The following RSF1 variants were observed in gnomAD, a reference collection of about 807,000 sequenced individuals.
RSF1 encodes the protein HBV pX-associated protein 8.
A neutral mutation model predicts 145.2 loss-of-function variants in RSF1; 13 were observed. The observed-to-expected ratio is 0.09, with a 90% CI of 0.06 to 0.14. The LOEUF is 0.14. Among genes scored for constraint, RSF1 ranks in the 10% least tolerant of loss-of-function variants. RSF1 has a pLI of 1.00. For synonymous variants in RSF1, 577 were observed against 592.6 expected, an observed-to-expected ratio of 0.97 and a Z score of 0.38; for missense variants, 1,517 against 1,718.2, an observed-to-expected ratio of 0.88 and a Z score of 2.07.
intron 1 of RSF1, among the ~76,000 whole-genome samples, chr11:77,787,761 T>C (rs1476993038): frequency 6.7e-6 from 1 of 150,214 alleles, no homozygotes; most frequent in East Asian, 2.0e-4. Context: ...ATCCAGCATC[T>C]AGCATAGTAA....
rs1959238947 is a variant in RSF1, at chr11:77,661,814, T to C, written c.*5103A>G. ...AATAAGTTAAATGATTCAGAAGGTTTTGAGCCATGAAGTTCCCCAATAACT... is the reference window on the plus strand; with the variant it reads ...AATAAGTTAAATGATTCAGAAGGTTCTGAGCCATGAAGTTCCCCAATAACT... On this transcript the variant is annotated 3_prime_UTR_variant, in exon 16 of 16. Transcript: ENST00000308488. The C allele has an allele frequency of 6.6e-6, 1 of 151,966 alleles. No individual in the cohort carries two copies. Among genetic ancestry groups the C allele is most frequent in the Non-Finnish European group, 1.5e-5 (1 of 67,950 alleles). The allele number at this position is 151,966 out of a possible 1,614,324, so 9.4% of individuals were successfully genotyped here. A position where few individuals can be genotyped will look rare whatever the true frequency, so the allele number is the denominator to read the frequency against.
chr11:77,781,098 A>C (rs1021186413), intron 1 of RSF1, among the ~76,000 whole-genome samples: 4 of 146,964 alleles, frequency 2.7e-5, no homozygotes, highest in African/African-American at 1.0e-4. Flanking sequence ...TGAATGTTTG[A>C]ATTGTCTTTT....
chr11:77,789,790 C>T (rs1416480937), intron 1 of RSF1, among the ~76,000 whole-genome samples: 1 of 152,222 alleles, frequency 6.6e-6, no homozygotes, highest in Non-Finnish European at 1.5e-5. Flanking sequence ...GGCCCAGCTT[C>T]ACCCCCATTC....
rs918319854 is a variant in RSF1, at chr11:77,663,589, T to C, written c.*3328A>G. Reference sequence around the variant, plus strand: ...CCCTTTATCCTCTGAATCTGTAACCTTGACCAATTGAAAAAAGGATGTCAA... The same window carrying C: ...CCCTTTATCCTCTGAATCTGTAACCCTGACCAATTGAAAAAAGGATGTCAA... On this transcript the variant is annotated 3_prime_UTR_variant, in exon 16 of 16. Transcript: ENST00000308488. 6.6e-6 allele frequency: 1 copy of C among 152,204 alleles called. No homozygotes were observed. The highest frequency in any genetic ancestry group is 2.4e-5 in the African/African-American group (1 of 41,462). 9.4% of individuals were successfully genotyped at this position (152,204 alleles called of 1,614,324 possible).
intron 13 of RSF1, among the ~76,000 whole-genome samples, chr11:77,676,314 CTCT>C (rs1959700574): frequency 6.6e-6 from 1 of 150,894 alleles, no homozygotes; most frequent in Non-Finnish European, 1.5e-5. Context: ...TACTTGTTTC[CTCT>C]TCTAATAATC....
chr11:77,736,524 C>T (rs1169304041), intron 4 of RSF1, among the ~76,000 whole-genome samples: 3 of 152,166 alleles, frequency 2.0e-5, no homozygotes, highest in Non-Finnish European at 2.9e-5. Flanking sequence ...CAACTAAGAT[C>T]TTATCTTTAT....
chr11:77,792,268 A>G lies in RSF1; in HGVS notation c.188-27579T>C, dbSNP rs1232248311. On this transcript the variant is annotated intron_variant, in intron 1 of 15. Coordinates refer to ENST00000308488, the MANE Select transcript of RSF1 (RefSeq NM_016578.4). ...CAGAAAGACCTGCCCCCATGATTCA[A>G]TTACCTCCCACCAAGTCCCTCCCAC... is the stretch of plus-strand genomic sequence containing the variant. 3.9e-5 allele frequency among the ~76,000 whole-genome samples: 6 copies of G among 152,224 alleles called. No individual in the cohort carries two copies. In the East Asian group the frequency reaches 7.7e-4, roughly 20 times the overall value.
intron 4 of RSF1, among the ~76,000 whole-genome samples, chr11:77,732,671 C>G (rs11237277): frequency 5.3e-5 from 8 of 152,118 alleles, no homozygotes; most frequent in Admixed American, 2.0e-4. Context: ...ACAGGAGTTC[C>G]CTGCACAAGC....
At chr11:77,675,014 T>C in intron 14 of RSF1, 22 bp downstream of exon 14, 1 of 1,552,084 alleles carries the variant, frequency 6.4e-7, no homozygotes, top group East Asian at 2.3e-5. Context: ...TGAGCTACCA[T>C]ATGGTTACAG....
At chr11:77,696,729 T>C (rs2135847277) in intron 7 of RSF1, among the ~76,000 whole-genome samples, 1 of 152,338 alleles carries the variant, frequency 6.6e-6, no homozygotes, top group Middle Eastern at 3.4e-3. Flanking sequence ...CTATCTCAAA[T>C]GTCCTCTTGG....
intron 1 of RSF1, among the ~76,000 whole-genome samples, chr11:77,818,646 G>T (rs1049704814): frequency 2.0e-5 from 3 of 152,174 alleles, no homozygotes; most frequent in Non-Finnish European, 4.4e-5. Flanking sequence ...GGGCTCGGTG[G>T]TGCACACCTG....
chr11:77,720,569 C>A (rs542041552), intron 5 of RSF1, among the ~76,000 whole-genome samples: 10 of 152,250 alleles, frequency 6.6e-5, no homozygotes, highest in African/African-American at 2.4e-4. Context: ...CTGAGAATAA[C>A]AACTCAAAAA....
chr11:77,750,042 G>A (rs1324943217), intron 2 of RSF1, among the ~76,000 whole-genome samples: 11 of 151,688 alleles, frequency 7.3e-5, no homozygotes, highest in Non-Finnish European at 1.0e-4. Context: ...CCACATGCCC[G>A]GCCCATTTTG....
At chr11:77,726,761 C>T (rs181991487) in intron 4 of RSF1, among the ~76,000 whole-genome samples, 4 of 152,216 alleles carry the variant, frequency 2.6e-5, no homozygotes, top group Admixed American at 6.5e-5. Context: ...TGAAATGACT[C>T]GTTTTCTTAT....
chr11:77,761,721 A>C (rs1449333992), intron 2 of RSF1, among the ~76,000 whole-genome samples: 38 of 152,096 alleles, frequency 2.5e-4, no homozygotes. Flanking sequence ...AAATTTCTTT[A>C]TGACTTGCCA....
At chr11:77,851,446 GCTTTTGTTTT>G in the RSF1 span, 1 of 152,158 alleles carries the variant, frequency 6.6e-6, no homozygotes, top group Non-Finnish European at 1.5e-5. Flanking sequence ...GTTTGCTTTT[GCTTTTGTTTT>G]CCTATTCACC....
chr11:77,808,533 T>TTTC (rs1590899819), intron 1 of RSF1, among the ~76,000 whole-genome samples: 1 of 75,630 alleles, frequency 1.3e-5, no homozygotes, highest in East Asian at 4.2e-4. Context: ...ATACCTTTTT[T>TTTC]TTTTTTTTTT....
In RSF1 at chr11:77,664,212, T is replaced by C. The variant is rs1023780178; in HGVS notation, c.*2705A>G. ...AAAACCGTTTTTGCACTGCTCAAAA[T>C]TTAATAATCAATAATCTATCTGCCT... On this transcript the variant is annotated 3_prime_UTR_variant, in exon 16 of 16. Coordinates refer to ENST00000308488, the MANE Select transcript of RSF1 (RefSeq NM_016578.4). The C allele has an allele frequency of 6.6e-6, 1 of 152,230 alleles. No homozygotes were observed. Among genetic ancestry groups the C allele is most frequent in the Admixed American group, 6.6e-5 (1 of 15,260 alleles). The allele number at this position is 152,230 out of a possible 1,614,324, so 9.4% of individuals were successfully genotyped here. A position where few individuals can be genotyped will look rare whatever the true frequency, so the allele number is the denominator to read the frequency against.
rs1338869065 is a variant in RSF1 at position 77,759,895 on chromosome 11, A to C, written c.279+4703T>G. Reference sequence around the variant, plus strand: ...AAAAGCATAGCACTGAGTTTATAATAAGCTGTCAAATGTTATCTATTATCA... The same window carrying C: ...AAAAGCATAGCACTGAGTTTATAATCAGCTGTCAAATGTTATCTATTATCA... On this transcript the variant is annotated intron_variant, in intron 2 of 15. Coordinates refer to ENST00000308488, the MANE Select transcript of RSF1 (RefSeq NM_016578.4). Among the ~76,000 whole-genome samples, 6 of 151,564 alleles carry C rather than the reference A, an allele frequency of 4.0e-5. No homozygotes were observed. The East Asian group carries it at 1.2e-3, about 29-fold the overall frequency.
Sources: allele counts gnomAD v4.1 joint callset (sites outside exome capture counted in the v4.1 genomes callset), GRCh38; gene constraint gnomAD v4.1.1; transcripts MANE v1.5; gene names NCBI Gene and HGNC (gene_info 2026-07-23, HGNC 2026-07-21).